Variants in ASIC1 observed in about 807,000 individuals in gnomAD.
ASIC1 encodes acid sensing ion channel subunit 1, also known as acid-sensing ion channel 1.
Under a neutral mutation model 63.4 loss-of-function variants are expected in ASIC1, and 21 were observed. The ratio of observed to expected loss-of-function variants is 0.33; its 90% CI spans 0.23 to 0.48. The LOEUF (loss-of-function observed/expected upper bound fraction) is 0.48. Ranked by LOEUF, ASIC1 falls within the 20% of genes least tolerant of loss-of-function variation. The pLI, the probability that ASIC1 is intolerant of heterozygous loss-of-function variation, is 0.99. For synonymous variants in ASIC1, 258 were observed against 278.2 expected (o/e 0.93, Z 0.72); for missense variants, 478 against 695.5 (o/e 0.69, Z 3.52).
In ASIC1 at chr12:50,058,955, G is replaced by A. The variant is rs758242654; in HGVS notation, c.189G>A (p.Glu63=). ...SLAVLLCVCT[E]RVQYYFHYHH... is the part of the protein sequence containing the mutation. ...CTGTGCTGCTGTGTGTGTGCACGGAGCGTGTGCAGTACTACTTCCACTACC... is the reference window on the plus strand; with the variant it reads ...CTGTGCTGCTGTGTGTGTGCACGGAACGTGTGCAGTACTACTTCCACTACC... The change falls in exon 2 of 12, where the codon GAG becomes GAA. Residue 63 remains glutamate, a synonymous_variant. Coordinates refer to ENST00000447966, the MANE Select transcript of ASIC1 (RefSeq NM_001095.4). 6.2e-7 allele frequency: 1 copy of A among 1,614,146 alleles called. No homozygotes were observed. Among genetic ancestry groups the A allele is most frequent in the South Asian group, 1.1e-5 (1 of 91,088 alleles).
chr12:50,081,754 G>C lies in ASIC1; in HGVS notation c.*105G>C. The C allele has an allele frequency of 2.0e-6, 2 of 994,472 alleles. No individual in the cohort carries two copies. Among genetic ancestry groups the C allele is most frequent in the Non-Finnish European group, 3.0e-6 (2 of 665,240 alleles). The allele number at this position is 994,472 out of a possible 1,614,324, so 61.6% of individuals were successfully genotyped here. A position where few individuals can be genotyped will look rare whatever the true frequency, so the allele number is the denominator to read the frequency against. ...TGCCCTGGGGACTCCCCACACTCCG[G>C]GGCAGATCTTTCCTCTTGTCTGTGG... is the stretch of plus-strand genomic sequence containing the variant. On this transcript the variant is annotated 3_prime_UTR_variant, in exon 12 of 12. Coordinates refer to ENST00000447966, the MANE Select transcript of ASIC1 (RefSeq NM_001095.4).
intron 3 of ASIC1, among the ~76,000 whole-genome samples, chr12:50,072,916 GA>G (rs1167801463): frequency 6.6e-6 from 1 of 152,184 alleles, no homozygotes; most frequent in East Asian, 1.9e-4. Context: ...GAGGGGAAGA[GA>G]AACAGGGTCG....
At chr12:50,073,070 C>T (rs1950615455) in intron 3 of ASIC1, among the ~76,000 whole-genome samples, 1 of 152,012 alleles carries the variant, frequency 6.6e-6, no homozygotes. Context: ...TGCTGAGGAA[C>T]AGATTGGAGG....
intron 3 of ASIC1, among the ~76,000 whole-genome samples, chr12:50,072,137 G>A (rs1950605808): frequency 6.6e-6 from 1 of 152,282 alleles, no homozygotes. Flanking sequence ...TAGGGTCTCT[G>A]CAAATGGAGA....
intron 3 of ASIC1, among the ~76,000 whole-genome samples, chr12:50,062,494 G>A (rs1423351912): frequency 1.3e-5 from 2 of 152,208 alleles, no homozygotes; most frequent in Non-Finnish European, 2.9e-5. Context: ...GAGGCTTTGT[G>A]GTTAGGGCTT....
Position 50,081,189 on chromosome 12 carries a change from G to A in ASIC1, c.1377+8G>A, listed in dbSNP as rs757284940. On this transcript the variant is annotated splice_region_variant and intron_variant, in intron 10 of 11. Transcript: ENST00000447966. ...TTTGACTACGCCTACGAGGTAAGCG[G>A]GGGCGAGGCCCGGCACGGGGCCACG... is the stretch of plus-strand genomic sequence containing the variant. 2.5e-6 allele frequency: 4 copies of A among 1,610,374 alleles called. No individual in the cohort carries two copies. Among genetic ancestry groups the A allele is most frequent in the Non-Finnish European group, 3.4e-6 (4 of 1,178,542 alleles).
intron 3 of ASIC1, among the ~76,000 whole-genome samples, chr12:50,076,160 T>C (rs1307384019): frequency 1.3e-5 from 2 of 152,090 alleles, no homozygotes; most frequent in Admixed American, 1.3e-4. Flanking sequence ...GGCTAGGGGC[T>C]GAATGAAACC....
Position 50,078,931 on chromosome 12 carries a change from C to G in ASIC1, c.1002C>G (p.Ala334=). The G allele has an allele frequency of 1.9e-6, 3 of 1,613,834 alleles. No homozygotes were observed. The highest frequency in any genetic ancestry group is 2.5e-6 in the Non-Finnish European group (3 of 1,179,924). ...GTCTTTTCTCCTCTGTAGGGGATGC[C>G]CCATACTGTACTCCAGAGCAGTACA... ...NCRMVHMPGD[A]PYCTPEQYKE... The change falls in exon 7 of 12, where the codon GCC becomes GCG. Residue 334 remains alanine (A), a synonymous_variant. Transcript: ENST00000447966. The surrounding 1 kb of genome is among the most constrained non-coding windows in gnomAD (Gnocchi z 6.0).
chr12:50,082,292 A>C lies in ASIC1; in HGVS notation c.*643A>C, dbSNP rs1014276284. 1.3e-5 allele frequency: 2 copies of C among 152,810 alleles called. No homozygotes were observed. The highest frequency in any genetic ancestry group is 2.9e-5 in the Non-Finnish European group (2 of 68,274). 9.5% of individuals were successfully genotyped at this position (152,810 alleles called of 1,614,324 possible). ...CCCTGGTGCTGTAGGCTACATCCTG[A>C]TACCTATAAGTTCACCCCCACCCCA... On this transcript the variant is annotated 3_prime_UTR_variant, in exon 12 of 12. Transcript: ENST00000447966.
intron 3 of ASIC1, among the ~76,000 whole-genome samples, chr12:50,062,996 T>C (rs1327314748): frequency 2.0e-5 from 3 of 151,938 alleles, no homozygotes; most frequent in Non-Finnish European, 2.9e-5. Flanking sequence ...GGGCAGGGAG[T>C]ATCCCCACAG....
At position 50,059,478 on chromosome 12, in the gene ASIC1, C is replaced by T. The variant is rs114703415; in HGVS notation, c.363-281C>T. On this transcript the variant is annotated intron_variant, in intron 2 of 11. Transcript: ENST00000447966. The surrounding 1 kb of genome is among the most constrained non-coding windows in gnomAD (Gnocchi z 4.6). ...ACAGAACATCTTTAAAGGGTAGAAA[C>T]TACAGTATAAAAGCCACAGCCCCTG... Among the ~76,000 whole-genome samples, 61 of 152,312 alleles carry T rather than the reference C, an allele frequency of 4.0e-4. No homozygotes were observed. The highest frequency in any genetic ancestry group is 1.4e-3 in the African/African-American group (57 of 41,550).
rs553465322 is a variant in ASIC1, at chr12:50,065,983, G to C, written c.558+6029G>C. Among the ~76,000 whole-genome samples the C allele has an allele frequency of 1.4e-4, 21 of 152,344 alleles. 1 individual carries two copies. Among genetic ancestry groups the C allele is most frequent in the African/African-American group, 4.1e-4 (17 of 41,570 alleles). On this transcript the variant is annotated intron_variant, in intron 3 of 11. Transcript: ENST00000447966. Reference sequence around the variant, plus strand: ...CATGCAAGCACACATGTGCACCTCTGTGTGTGTCTGCAGGGGAGTGTGAAT... The same window carrying C: ...CATGCAAGCACACATGTGCACCTCTCTGTGTGTCTGCAGGGGAGTGTGAAT...
intron 3 of ASIC1, among the ~76,000 whole-genome samples, chr12:50,076,586 G>T (rs903039923): frequency 3.9e-5 from 6 of 152,150 alleles, no homozygotes; most frequent in Non-Finnish European, 8.8e-5. Context: ...TGAGGAAAGT[G>T]TCCCAAGGAG....
intron 3 of ASIC1, among the ~76,000 whole-genome samples, chr12:50,061,368 A>G (rs1271332382): frequency 6.6e-6 from 1 of 152,112 alleles, no homozygotes; most frequent in African/African-American, 2.4e-5. Flanking sequence ...ACATGACTGC[A>G]CTCTTTGCTG....
At position 50,081,653 on chromosome 12, in the gene ASIC1, C is replaced by T; in HGVS notation, c.*4C>T. ...GTTCGAGGACTTTACCTGCTGAGCC[C>T]CGCAGGCCGCTGAACCAAAGGCCTA... On this transcript the variant is annotated 3_prime_UTR_variant, in exon 12 of 12. Coordinates refer to ENST00000447966, the MANE Select transcript of ASIC1 (RefSeq NM_001095.4). 8 of 1,613,354 alleles carry T rather than the reference C, an allele frequency of 5.0e-6. No individual in the cohort carries two copies. The highest frequency in any genetic ancestry group is 6.8e-6 in the Non-Finnish European group (8 of 1,179,756).
rs1254274474 is a variant in ASIC1 at position 50,057,970 on chromosome 12, C to G, written c.-17+54C>G. The stretch of plus-strand genomic sequence containing the variant: ...CGCGAGGCTCCTCGGTACCCCGAAG[C>G]CGGGACTCTCCTCCCTCTGGATTTC... On this transcript the variant is annotated intron_variant, in intron 1 of 11. Transcript: ENST00000447966. This position sits in a 1 kb window ranked among gnomAD's most constrained non-coding sequence, Gnocchi z 4.7. The G allele has an allele frequency of 6.6e-6, 1 of 152,048 alleles. No homozygotes were observed. The highest frequency in any genetic ancestry group is 6.5e-5 in the Admixed American group (1 of 15,282). The allele number at this position is 152,048 out of a possible 1,614,324, so 9.4% of individuals were successfully genotyped here.
Position 50,074,112 on chromosome 12 carries a change from G to A in ASIC1, c.559-3101G>A, listed in dbSNP as rs149728362. On this transcript the variant is annotated intron_variant, in intron 3 of 11. Transcript: ENST00000447966. The surrounding 1 kb of genome is among the most constrained non-coding windows in gnomAD (Gnocchi z 4.2). ...ACCCCGGGGTGCCCCTCGCTCCACC[G>A]GGCCCTGAGGCCTTCTCTGGGGAGC... The A allele has an allele frequency of 4.3e-5, 66 of 1,535,686 alleles. No individual in the cohort carries two copies. The highest frequency in any genetic ancestry group is 4.0e-4 in the African/African-American group (29 of 73,166).
In ASIC1 at chr12:50,081,436, G is replaced by T. The variant is rs1010107490; in HGVS notation, c.1482+72G>T. ...CGCCCCAGGAACCCCGTCCACCCCC[G>T]CCCACCCGCCTCTGCCACCACCTTC... On this transcript the variant is annotated intron_variant, in intron 11 of 11. Coordinates refer to ENST00000447966, the MANE Select transcript of ASIC1 (RefSeq NM_001095.4). 5 of 280,488 alleles carry T rather than the reference G, an allele frequency of 1.8e-5. No individual in the cohort carries two copies. The African/African-American group carries it at 2.6e-4, about 15-fold the overall frequency. 17.4% of individuals were successfully genotyped at this position (280,488 alleles called of 1,614,324 possible).
chr12:50,062,091 TGG>T, intron 3 of ASIC1, among the ~76,000 whole-genome samples: 1 of 152,300 alleles, frequency 6.6e-6, no homozygotes, highest in African/African-American at 2.4e-5. Flanking sequence ...TCTCTTCAGT[TGG>T]TTTCATTGCC....
Sources: gnomAD v4.1 joint callset for allele counts (sites outside exome capture counted in the v4.1 genomes callset) on GRCh38, gnomAD v4.1.1 for gene constraint, Gnocchi (gnomAD v3.1) non-coding constraint, MANE v1.5 for transcripts, NCBI Gene and HGNC (gene_info 2026-07-23, HGNC 2026-07-21) for gene names.